Variants in DACH1 observed in about 807,000 individuals in gnomAD.
DACH1 encodes the protein dachshund family transcription factor 1, also known as dachshund homolog 1.
DACH1 carries 12 observed loss-of-function variants against 54.2 expected under a neutral mutation model. That is an observed-to-expected ratio of 0.22 (90% CI 0.14 to 0.36). The LOEUF (loss-of-function observed/expected upper bound fraction) is 0.36. Among genes scored for constraint, DACH1 ranks in the 10% least tolerant of loss-of-function variants. DACH1 has a pLI of 1.00. For synonymous variants in DACH1, 386 were observed against 366.2 expected, an observed-to-expected ratio of 1.05 and a Z score of -0.62; for missense variants, 805 against 929.8, an observed-to-expected ratio of 0.87 and a Z score of 1.75.
chr13:71,561,388 C>T lies in DACH1; in HGVS notation c.1300-1433G>A, dbSNP rs1476750091. On this transcript the variant is annotated intron_variant, in intron 4 of 10. Coordinates refer to ENST00000613252, the MANE Select transcript of DACH1 (RefSeq NM_080759.6). ...ATGAGAACATACTGGATTAGGGTGG[C>T]TTTTAATCCCACGTGAGTCGTGTCC... Among the ~76,000 whole-genome samples, 12 of 152,242 alleles carry T rather than the reference C, an allele frequency of 7.9e-5. No individual in the cohort carries two copies. The East Asian group carries it at 2.3e-3, about 29-fold the overall frequency.
intron 2 of DACH1, among the ~76,000 whole-genome samples, chr13:71,680,211 G>T (rs1880816197): frequency 6.6e-6 from 1 of 152,166 alleles, no homozygotes. Flanking sequence ...AAATTGGGCA[G>T]TTTTCAGCTA....
chr13:71,689,213 GTT>G (rs976010331), intron 1 of DACH1, among the ~76,000 whole-genome samples: 1 of 152,156 alleles, frequency 6.6e-6, no homozygotes, highest in Non-Finnish European at 1.5e-5. Flanking sequence ...TTCCCCAAAA[GTT>G]AGGAAAACAG....
chr13:71,571,954 C>A (rs1885238872), intron 4 of DACH1, among the ~76,000 whole-genome samples: 1 of 151,950 alleles, frequency 6.6e-6, no homozygotes, highest in Admixed American at 6.6e-5. Flanking sequence ...CCAGGATGGT[C>A]TCGATCTTCT....
rs1884898582 is a variant in DACH1 at position 71,751,023 on chromosome 13, C to T, written c.849-69113G>A. On this transcript the variant is annotated intron_variant, in intron 1 of 10. Coordinates refer to ENST00000613252, the MANE Select transcript of DACH1 (RefSeq NM_080759.6). ...ATGGAATGTAAATAGTCAGGAGAGG[C>T]TTCAGTTTTGCATTGTAACTAACCA... Among the ~76,000 whole-genome samples, 5 of 152,274 alleles carry T rather than the reference C, an allele frequency of 3.3e-5. No homozygotes were observed. The South Asian group carries it at 8.3e-4, about 25-fold the overall frequency.
intron 1 of DACH1, among the ~76,000 whole-genome samples, chr13:71,683,817 G>A (rs556998957): frequency 6.6e-6 from 1 of 152,056 alleles, no homozygotes; most frequent in South Asian, 2.1e-4. Context: ...AAGGGCTAAG[G>A]GCTAAATATA....
At chr13:71,650,539 A>T (rs766868457) in intron 2 of DACH1, among the ~76,000 whole-genome samples, 6 of 152,160 alleles carry the variant, frequency 3.9e-5, no homozygotes, top group Non-Finnish European at 8.8e-5. Context: ...AATAGATAAT[A>T]AGATATTTAG....
chr13:71,731,424 C>T (rs1883741618), intron 1 of DACH1, among the ~76,000 whole-genome samples: 1 of 151,724 alleles, frequency 6.6e-6, no homozygotes, highest in Non-Finnish European at 1.5e-5. Context: ...CCTGGGACTA[C>T]AGGCGCCCGC....
At chr13:71,696,755 C>G (rs542248465) in intron 1 of DACH1, among the ~76,000 whole-genome samples, 18 of 152,166 alleles carry the variant, frequency 1.2e-4, no homozygotes, top group African/African-American at 2.9e-4. Flanking sequence ...CTATGTTGGT[C>G]AGGCTGATCT....
At chr13:71,634,332 CTCA>C (rs1432804957) in intron 2 of DACH1, among the ~76,000 whole-genome samples, 1 of 152,212 alleles carries the variant, frequency 6.6e-6, no homozygotes, top group East Asian at 1.9e-4. Flanking sequence ...TCCAGTGCTT[CTCA>C]TGGCTGTCAG....
chr13:71,605,582 A>T (rs963862870), intron 3 of DACH1, among the ~76,000 whole-genome samples: 1 of 151,990 alleles, frequency 6.6e-6, no homozygotes, highest in Non-Finnish European at 1.5e-5. Flanking sequence ...ATAATAAAAC[A>T]TGTATGCTTA....
rs1412256390 is a variant in DACH1 at position 71,439,918 on chromosome 13, TG to T, written c.*736del. On this transcript the variant is annotated 3_prime_UTR_variant, in exon 11 of 11. Transcript: ENST00000613252. ...TTAATTCTACATACCACTACCAGTTTGGAATGAAAACATGTTACACTTATAT... is the reference window on the plus strand; with the variant it reads ...TTAATTCTACATACCACTACCAGTTTGAATGAAAACATGTTACACTTATAT... 13 of 152,382 alleles carry T rather than the reference TG, an allele frequency of 8.5e-5. No homozygotes were observed. Among genetic ancestry groups the T allele is most frequent in the Non-Finnish European group, 1.5e-5 (1 of 67,914 alleles). The allele number at this position is 152,382 out of a possible 1,614,324, so 9.4% of individuals were successfully genotyped here. A position where few individuals can be genotyped will look rare whatever the true frequency, so the allele number is the denominator to read the frequency against.
chr13:71,730,928 T>C (rs1428548708), intron 1 of DACH1, among the ~76,000 whole-genome samples: 3 of 152,138 alleles, frequency 2.0e-5, no homozygotes, highest in Non-Finnish European at 4.4e-5. Flanking sequence ...TTTGAGACTC[T>C]TAAGGCATTC....
intron 3 of DACH1, among the ~76,000 whole-genome samples, chr13:71,622,255 T>C (rs1282287774): frequency 6.6e-6 from 1 of 152,014 alleles, no homozygotes; most frequent in East Asian, 1.9e-4. Flanking sequence ...ATACTAGGTC[T>C]GGTGACAGGT....
At chr13:71,617,144 C>T (rs1288143542) in intron 3 of DACH1, among the ~76,000 whole-genome samples, 2 of 152,104 alleles carry the variant, frequency 1.3e-5, no homozygotes, top group Non-Finnish European at 2.9e-5. Context: ...GCTGGGATTA[C>T]AGGCTTGAGC....
intron 3 of DACH1, among the ~76,000 whole-genome samples, chr13:71,619,986 T>G (rs1876099757): frequency 6.6e-6 from 1 of 151,962 alleles, no homozygotes; most frequent in Admixed American, 6.6e-5. Context: ...ACTAAACATG[T>G]GCCTGTGTGT....
intron 1 of DACH1, among the ~76,000 whole-genome samples, chr13:71,828,076 T>C (rs1228253163): frequency 6.6e-6 from 1 of 152,058 alleles, no homozygotes; most frequent in Non-Finnish European, 1.5e-5. Flanking sequence ...TGTCAATATC[T>C]GCAACACAAA....
chr13:71,728,029 C>A (rs1216590948), intron 1 of DACH1, among the ~76,000 whole-genome samples: 2 of 152,030 alleles, frequency 1.3e-5, no homozygotes, highest in African/African-American at 4.8e-5. Context: ...CAAAACACTC[C>A]TCATGTCCAG....
chr13:71,828,639 C>G (rs982512254), intron 1 of DACH1, among the ~76,000 whole-genome samples: 1 of 151,902 alleles, frequency 6.6e-6, no homozygotes, highest in African/African-American at 2.4e-5. Flanking sequence ...TTAAAATGTT[C>G]TTTGTTTTTC....
At chr13:71,700,710 A>C (rs191668043) in intron 1 of DACH1, among the ~76,000 whole-genome samples, 163 of 152,238 alleles carry the variant, frequency 1.1e-3, no homozygotes, top group Non-Finnish European at 5.9e-5. Context: ...CCCTGAATGC[A>C]CAGATATAGT....
Sources: gnomAD v4.1 joint callset for allele counts (sites outside exome capture counted in the v4.1 genomes callset) on GRCh38, gnomAD v4.1.1 for gene constraint, MANE v1.5 for transcripts, NCBI Gene and HGNC (gene_info 2026-07-23, HGNC 2026-07-21) for gene names.